GRHL2: variants seen among roughly 807,000 people sequenced by gnomAD.
GRHL2 encodes the protein grainyhead like transcription factor 2.
A neutral mutation model predicts 83.8 loss-of-function variants in GRHL2; 21 were observed. The ratio of observed to expected loss-of-function variants is 0.25; its 90% CI spans 0.18 to 0.36. The LOEUF is 0.36. Among genes scored for constraint, GRHL2 ranks in the 10% least tolerant of loss-of-function variants. GRHL2 has a pLI of 1.00. For synonymous variants in GRHL2, 280 were observed against 278.9 expected, an observed-to-expected ratio of 1.00 and a Z score of -0.04; for missense variants, 623 against 781.8, an observed-to-expected ratio of 0.80 and a Z score of 2.42.
At chr8:101,652,315 T>A (rs1813642331) in intron 14 of GRHL2, among the ~76,000 whole-genome samples, 1 of 141,044 alleles carries the variant, frequency 7.1e-6, no homozygotes, top group Non-Finnish European at 1.5e-5. Flanking sequence ...TGGTAGTGTG[T>A]GTGCGTGTGT....
intron 8 of GRHL2, among the ~76,000 whole-genome samples, chr8:101,604,519 A>G (rs1011865072): frequency 6.6e-6 from 1 of 152,180 alleles, no homozygotes; most frequent in Non-Finnish European, 1.5e-5. Flanking sequence ...CTGTCATGTG[A>G]CCACAGAGAA....
rs1554582181 is a variant in GRHL2 at position 101,515,176 on chromosome 8, G to GCGCACA, written c.20+22388_20+22389insGCACAC. On this transcript the variant is annotated intron_variant, in intron 1 of 15. Transcript: ENST00000646743. ...TCTCTTTCTCTCTCTCTGTCTCTCT[G>GCGCACA]CACACACACACACACACACACACAC... 3.5e-5 allele frequency among the ~76,000 whole-genome samples: 5 copies of GCGCACA among 144,548 alleles called. No individual in the cohort carries two copies. The South Asian group carries it at 9.0e-4, about 26-fold the overall frequency. The allele number at this position is 144,548 out of a possible 152,430, so 94.8% of individuals were successfully genotyped here.
rs1211160540 is a variant in GRHL2, at chr8:101,623,940, CAGT to C, written c.1257+4246_1257+4248del. On this transcript the variant is annotated intron_variant, in intron 9 of 15. Transcript: ENST00000646743. ...ACACAGTAGAACAGGTCACAGTACA[CAGT>C]AGGACAGTACGCAGTAGGACAGTAC... Among the ~76,000 whole-genome samples the C allele has an allele frequency of 8.1e-5, 12 of 148,360 alleles. No individual in the cohort carries two copies. In the South Asian group the frequency reaches 2.4e-3, roughly 29 times the overall value.
rs889283934 is a variant in GRHL2, at chr8:101,577,471, T to C, written c.955T>C (p.Tyr319His). Reference protein sequence around the residue: ...NRDEQLKYWKYWHSRQHTAKQ... With the variant: ...NRDEQLKYWKHWHSRQHTAKQ... ...AGATGAACAGCTCAAATACTGGAAA[T>C]ACTGGCACTCTCGGCAGCATACGGC... The change falls in exon 7 of 16, where the codon TAC becomes CAC. Residue 319 changes from tyrosine to histidine, a missense_variant. Transcript: ENST00000646743. The C allele has an allele frequency of 1.2e-6, 2 of 1,614,090 alleles. No homozygotes were observed. The highest frequency in any genetic ancestry group is 2.2e-5 in the East Asian group (1 of 44,870).
intron 9 of GRHL2, among the ~76,000 whole-genome samples, chr8:101,622,796 A>G (rs1239709883): frequency 6.6e-6 from 1 of 152,198 alleles, no homozygotes; most frequent in Non-Finnish European, 1.5e-5. Context: ...CCCGAGCAGT[A>G]CACACTGCAT....
intron 6 of GRHL2, among the ~76,000 whole-genome samples, chr8:101,577,092 G>A (rs974026674): frequency 6.6e-6 from 1 of 151,980 alleles, no homozygotes; most frequent in African/African-American, 2.4e-5. Flanking sequence ...ATTTGGGGGG[G>A]GTTTCTGCTG....
At chr8:101,676,776 G>T in the GRHL2 span, among the ~76,000 whole-genome samples, 1 of 152,144 alleles carries the variant, frequency 6.6e-6, no homozygotes, top group African/African-American at 2.4e-5. Context: ...GTTTATTGCG[G>T]TACTATTCAC....
At chr8:101,591,538 G>A (rs1812281521) in intron 7 of GRHL2, among the ~76,000 whole-genome samples, 1 of 152,116 alleles carries the variant, frequency 6.6e-6, no homozygotes. Context: ...GCCATTGTAG[G>A]ACATACTATG....
intron 1 of GRHL2, among the ~76,000 whole-genome samples, chr8:101,500,278 A>G (rs1445514616): frequency 1.3e-5 from 2 of 152,106 alleles, no homozygotes; most frequent in African/African-American, 4.8e-5. Flanking sequence ...AGTAACAACA[A>G]CATGTACCTG....
chr8:101,665,940 G>T (rs558287887), intron 15 of GRHL2, among the ~76,000 whole-genome samples: 1 of 152,226 alleles, frequency 6.6e-6, no homozygotes, highest in African/African-American at 2.4e-5. Context: ...AGCCACAGGA[G>T]TAGGTCACAG....
At chr8:101,515,591 T>A (rs1163697049) in intron 1 of GRHL2, among the ~76,000 whole-genome samples, 1 of 152,172 alleles carries the variant, frequency 6.6e-6, no homozygotes, top group Non-Finnish European at 1.5e-5. Flanking sequence ...TTAAGTGTTT[T>A]CACATGGAAG....
intron 2 of GRHL2, among the ~76,000 whole-genome samples, chr8:101,549,542 G>C (rs1157777208): frequency 6.6e-6 from 1 of 152,204 alleles, no homozygotes; most frequent in Admixed American, 6.5e-5. Flanking sequence ...GAAGCACAGG[G>C]GACTTTGTGC....
In GRHL2 at chr8:101,669,246, A is replaced by ACTTTTTTCTTTTT. The variant is rs1814150081; in HGVS notation, c.*2543_*2544insCTTTTTTCTTTTT. On this transcript the variant is annotated 3_prime_UTR_variant, in exon 16 of 16. Coordinates refer to ENST00000646743, the MANE Select transcript of GRHL2 (RefSeq NM_024915.4). The stretch of plus-strand genomic sequence containing the variant: ...AAGATCATGGACATGTGAAATGAGC[A>ACTTTTTTCTTTTT]TTTTTTTCTTTTTTTTTTTTAACAA... The ACTTTTTTCTTTTT allele has an allele frequency of 1.0e-4, 1 of 9,728 alleles. No individual in the cohort carries two copies. The highest frequency in any genetic ancestry group is 4.1e-4 in the African/African-American group (1 of 2,454). 0.6% of individuals were successfully genotyped at this position (9,728 alleles called of 1,614,324 possible).
chr8:101,592,948 C>A (rs184666603), intron 7 of GRHL2, among the ~76,000 whole-genome samples: 4 of 152,088 alleles, frequency 2.6e-5, no homozygotes, highest in Non-Finnish European at 5.9e-5. Flanking sequence ...TGGTTTTATT[C>A]TTTTTGTTGT....
chr8:101,666,434 G>A (rs953352510), intron 15 of GRHL2, among the ~76,000 whole-genome samples, 155 bp from the exon 16 acceptor site: 6 of 152,044 alleles, frequency 3.9e-5, no homozygotes, highest in African/African-American at 1.4e-4. Flanking sequence ...AACAGAATGA[G>A]GGTCTTTCCC....
chr8:101,612,085 G>A (rs113112917), intron 8 of GRHL2, among the ~76,000 whole-genome samples: 1 of 151,006 alleles, frequency 6.6e-6, no homozygotes, highest in African/African-American at 2.5e-5. Flanking sequence ...TGCCTCCCAG[G>A]TTCAAGCAAT....
chr8:101,504,070 CACTT>C (rs1188741934), intron 1 of GRHL2, among the ~76,000 whole-genome samples: 1 of 152,062 alleles, frequency 6.6e-6, no homozygotes, highest in Non-Finnish European at 1.5e-5. Flanking sequence ...TAAGTGGAGA[CACTT>C]AAGAATAATA....
At chr8:101,585,184 C>T (rs1048992636) in intron 7 of GRHL2, among the ~76,000 whole-genome samples, 2 of 152,218 alleles carry the variant, frequency 1.3e-5, no homozygotes, top group African/African-American at 2.4e-5. Context: ...GGCTTCCCAC[C>T]ATCCCACCTA....
chr8:101,522,742 T>TACATATACATATACATATAC lies in GRHL2; in HGVS notation c.21-20498_21-20497insCATATACATATACATATACA, dbSNP rs1554582882. 7.0e-3 allele frequency among the ~76,000 whole-genome samples: 1,047 copies of TACATATACATATACATATAC among 150,540 alleles called. 5 individuals carry two copies. The highest frequency in any genetic ancestry group is 0.015 in the African/African-American group (598 of 41,004). On this transcript the variant is annotated intron_variant, in intron 1 of 15. Coordinates refer to ENST00000646743, the MANE Select transcript of GRHL2 (RefSeq NM_024915.4). ...ATGTTTATACATATACATATACATA[T>TACATATACATATACATATAC]ATATATATACACACACATATACATA...
Sources: allele counts gnomAD v4.1 joint callset (sites outside exome capture counted in the v4.1 genomes callset), GRCh38; gene constraint gnomAD v4.1.1; transcripts MANE v1.5; gene names NCBI Gene and HGNC (gene_info 2026-07-23, HGNC 2026-07-21).